The following GPBP1L1 variants were observed in gnomAD, a reference collection of about 807,000 sequenced individuals.
GPBP1L1 encodes GC-rich promoter binding protein 1 like 1.
GPBP1L1 carries 23 observed loss-of-function variants against 52.5 expected under a neutral mutation model. That is an observed-to-expected ratio of 0.44 (90% CI 0.32 to 0.62). GPBP1L1 has a LOEUF of 0.62. GPBP1L1 is among the 20% of genes least tolerant of loss of function. GPBP1L1 has a pLI of 0.06. For synonymous variants in GPBP1L1, 243 were observed against 203.1 expected (o/e 1.20, Z -1.67); for missense variants, 596 against 579.3 (o/e 1.03, Z -0.30).
chr1:45,666,873 G>C (rs1645016623), intron 2 of GPBP1L1, among the ~76,000 whole-genome samples: 1 of 152,162 alleles, frequency 6.6e-6, no homozygotes, highest in Admixed American at 6.5e-5. Flanking sequence ...CTATAAAAAG[G>C]AAATGAAGTA....
rs1644931999 is a variant in GPBP1L1 at position 45,660,164 on chromosome 1, G to C, written c.-56+20C>G. The C allele has an allele frequency of 5.1e-6, 5 of 983,738 alleles. No individual in the cohort carries two copies. The highest frequency in any genetic ancestry group is 6.0e-6 in the Non-Finnish European group (5 of 828,494). 60.9% of individuals were successfully genotyped at this position (983,738 alleles called of 1,614,324 possible). ...TACATAGAGTCTTCTTTCCAAGTTA[G>C]ACATATGGAGAATATTTACCCCAGA... On this transcript the variant is annotated intron_variant, in intron 3 of 12. Coordinates refer to ENST00000355105, the MANE Select transcript of GPBP1L1 (RefSeq NM_021639.5).
chr1:45,637,127 C>T (rs908230228), intron 8 of GPBP1L1, among the ~76,000 whole-genome samples: 7 of 152,174 alleles, frequency 4.6e-5, no homozygotes, highest in Non-Finnish European at 7.4e-5. Flanking sequence ...CAGAGAAGCA[C>T]AATTTTTTTC....
At chr1:45,677,706 T>C (rs934510201) in intron 2 of GPBP1L1, among the ~76,000 whole-genome samples, 1 of 152,222 alleles carries the variant, frequency 6.6e-6, no homozygotes, top group South Asian at 2.1e-4. Context: ...AGAGAAATCA[T>C]GTGAAGTGCT....
intron 1 of GPBP1L1, 87 bp downstream of exon 1, chr1:45,686,325 C>T (rs1003088194): frequency 6.6e-6 from 1 of 152,396 alleles, no homozygotes; most frequent in Non-Finnish European, 1.5e-5. Flanking sequence ...CTAGTTTTAA[C>T]AGCCCGTTGG....
At chr1:45,677,580 TAAAC>T (rs1190604631) in intron 2 of GPBP1L1, among the ~76,000 whole-genome samples, 2 of 151,216 alleles carry the variant, frequency 1.3e-5, no homozygotes, top group African/African-American at 2.4e-5. Flanking sequence ...TGGAGTCTAA[TAAAC>T]AAAATCCCTG....
intron 6 of GPBP1L1, chr1:45,646,225 G>A (rs1644744133): frequency 3.8e-6 from 1 of 265,772 alleles, no homozygotes; most frequent in Admixed American, 5.2e-5. Flanking sequence ...ATGCCGGAAA[G>A]AGCAATATTC....
chr1:45,641,422 A>G (rs1644670551), intron 7 of GPBP1L1, among the ~76,000 whole-genome samples: 1 of 151,944 alleles, frequency 6.6e-6, no homozygotes, highest in Non-Finnish European at 1.5e-5. Context: ...AAAACAAAAC[A>G]AAAAACCACA....
At chr1:45,653,693 C>T (rs1020697021) in intron 6 of GPBP1L1, among the ~76,000 whole-genome samples, 3 of 129,640 alleles carry the variant, frequency 2.3e-5, no homozygotes, top group Non-Finnish European at 5.0e-5. Context: ...AAATGATAAT[C>T]TTTTTTTTCT....
intron 8 of GPBP1L1, among the ~76,000 whole-genome samples, chr1:45,638,430 C>CA (rs1491553988): frequency 6.6e-6 from 1 of 152,180 alleles, no homozygotes; most frequent in Non-Finnish European, 1.5e-5. Flanking sequence ...GGTTTTTTCT[C>CA]AGTTATTTTC....
chr1:45,629,933 AAGAG>A (rs1644508589), intron 11 of GPBP1L1, among the ~76,000 whole-genome samples: 1 of 152,056 alleles, frequency 6.6e-6, no homozygotes, highest in Admixed American at 6.6e-5. Context: ...GTAAGGAAGA[AAGAG>A]AGCACTTGCA....
chr1:45,646,984 CTATG>C (rs959991158), intron 6 of GPBP1L1, among the ~76,000 whole-genome samples: 1 of 151,364 alleles, frequency 6.6e-6, no homozygotes, highest in African/African-American at 2.4e-5. Flanking sequence ...AATTTTTTAC[CTATG>C]TATTTCTCCT....
chr1:45,672,028 C>T (rs1341418696), intron 2 of GPBP1L1, among the ~76,000 whole-genome samples: 1 of 151,972 alleles, frequency 6.6e-6, no homozygotes, highest in African/African-American at 2.4e-5. Context: ...AAATAAAGTT[C>T]TAAACTTTTC....
intron 2 of GPBP1L1, among the ~76,000 whole-genome samples, chr1:45,669,390 G>C (rs1645047910): frequency 6.6e-6 from 1 of 152,312 alleles, no homozygotes; most frequent in East Asian, 1.9e-4. Context: ...GCCTCAAGGG[G>C]CCCTTCTGCC....
At chr1:45,665,411 C>T (rs1644997569) in intron 2 of GPBP1L1, among the ~76,000 whole-genome samples, 1 of 151,922 alleles carries the variant, frequency 6.6e-6, no homozygotes, top group Admixed American at 6.6e-5. Flanking sequence ...ATTTGGTAGA[C>T]AACATTTAAA....
chr1:45,639,051 A>G (rs1362086496), intron 8 of GPBP1L1, among the ~76,000 whole-genome samples: 8 of 149,606 alleles, frequency 5.3e-5, no homozygotes, highest in Non-Finnish European at 3.0e-5. Flanking sequence ...AAAGAGCTGG[A>G]AAAAAAAAAG....
At chr1:45,650,175 C>T (rs1423643825) in intron 6 of GPBP1L1, among the ~76,000 whole-genome samples, 2 of 152,108 alleles carry the variant, frequency 1.3e-5, no homozygotes, top group Non-Finnish European at 2.9e-5. Context: ...CCCTTCTCTC[C>T]ACCAATTTCT....
intron 12 of GPBP1L1, 122 bp downstream of exon 12, chr1:45,629,454 T>TCCACAC: frequency 8.7e-6 from 1 of 115,396 alleles, no homozygotes; most frequent in African/African-American, 5.3e-5. Flanking sequence ...ACTAAGGTAA[T>TCCACAC]CCCCCCCCCC....
At chr1:45,665,331 A>G (rs1644996742) in intron 2 of GPBP1L1, among the ~76,000 whole-genome samples, 1 of 152,118 alleles carries the variant, frequency 6.6e-6, no homozygotes, top group African/African-American at 2.4e-5. Context: ...CTAATATGAG[A>G]TGTCAAGCAT....
rs894335988 is a variant in GPBP1L1 at position 45,659,078 on chromosome 1, G to T, written c.10C>A (p.His4Asn). Reference sequence around the variant, plus strand: ...TTTAGCCAAGCAGGAACAAAATCATGCTGCGCCATTTAGGTCCAGTGTCTC... The same window carrying T: ...TTTAGCCAAGCAGGAACAAAATCATTCTGCGCCATTTAGGTCCAGTGTCTC... MAQHDFVPAWLNFS... is the reference protein window; with the variant it reads MAQNDFVPAWLNFS... Residue 4 changes from histidine to asparagine, a missense_variant, in exon 4 of 13, where the codon CAT (histidine) becomes AAT (asparagine). Physicochemically the swap from His to Asn is moderately conservative, Grantham distance 68. Transcript: ENST00000355105. 7 of 1,613,980 alleles carry T rather than the reference G, an allele frequency of 4.3e-6. No individual in the cohort carries two copies. The African/African-American group carries it at 8.0e-5, about 18-fold the overall frequency.
Sources: allele counts gnomAD v4.1 joint callset (sites outside exome capture counted in the v4.1 genomes callset), GRCh38; gene constraint gnomAD v4.1.1; transcripts MANE v1.5; gene names NCBI Gene and HGNC (gene_info 2026-07-23, HGNC 2026-07-21).